Variants in TRPC4 observed in about 807,000 individuals in gnomAD.
The protein encoded by TRPC4 is short transient receptor potential channel 4.
A neutral mutation model predicts 99.4 loss-of-function variants in TRPC4; 49 were observed. The ratio of observed to expected loss-of-function variants is 0.49; its 90% CI spans 0.39 to 0.63. The LOEUF (loss-of-function observed/expected upper bound fraction) is 0.63, where lower values mean the gene tolerates loss of function less well. Ranked by LOEUF, TRPC4 falls within the 20% of genes least tolerant of loss-of-function variation. The pLI, the probability that TRPC4 is intolerant of heterozygous loss-of-function variation, is 0.00. For synonymous variants in TRPC4, 454 were observed against 425.9 expected (o/e 1.07, Z -0.81); for missense variants, 898 against 1,152.9 (o/e 0.78, Z 3.20).
chr13:37,669,817 A>G (rs2138732730), intron 5 of TRPC4, among the ~76,000 whole-genome samples: 1 of 152,286 alleles, frequency 6.6e-6, no homozygotes, highest in Admixed American at 6.5e-5. Flanking sequence ...CCTTGGTTAG[A>G]AGGGCTGTTT....
At chr13:37,856,574 A>T (rs1335308915) in intron 1 of TRPC4, among the ~76,000 whole-genome samples, 2 of 148,016 alleles carry the variant, frequency 1.4e-5, no homozygotes, top group Non-Finnish European at 3.0e-5. Context: ...AAGACACATT[A>T]AAAAAAAAGA....
chr13:37,733,045 G>T (rs1302954486), intron 3 of TRPC4, among the ~76,000 whole-genome samples: 1 of 152,176 alleles, frequency 6.6e-6, no homozygotes, highest in African/African-American at 2.4e-5. Flanking sequence ...TGCCAAGGTG[G>T]GTGGATTGCT....
At chr13:37,684,098 T>A (rs1320759621) in intron 4 of TRPC4, among the ~76,000 whole-genome samples, 1 of 152,184 alleles carries the variant, frequency 6.6e-6, no homozygotes, top group Non-Finnish European at 1.5e-5. Flanking sequence ...ACTTCCAGAA[T>A]TGTTTCTCAG....
chr13:37,823,131 T>C lies in TRPC4; in HGVS notation c.-27-39771A>G, dbSNP rs1400897599. Among the ~76,000 whole-genome samples, 46 of 151,464 alleles carry C rather than the reference T, an allele frequency of 3.0e-4. No homozygotes were observed. In the South Asian group the frequency reaches 9.2e-3, roughly 30 times the overall value. ...TTTGATGGGGTTGTTTGTTTTTTTC[T>C]TGTAAATTTGTTGGAGTTCATTGTA... On this transcript the variant is annotated intron_variant, in intron 1 of 10. Transcript: ENST00000379705.
chr13:37,687,563 T>G (rs1309457249), intron 4 of TRPC4, among the ~76,000 whole-genome samples: 3 of 152,218 alleles, frequency 2.0e-5, no homozygotes, highest in African/African-American at 7.2e-5. Context: ...GCCATAATTT[T>G]GATGAATTCT....
At position 37,733,163 on chromosome 13, in the gene TRPC4, C is replaced by T. The variant is rs1036419412; in HGVS notation, c.897+12774G>A. On this transcript the variant is annotated intron_variant, in intron 3 of 10. Transcript: ENST00000379705. ...TTGCATGTACCTGTGGTTCCAGCTA[C>T]CTGGGAGGCTGAGGTGGGAAGATCA... Among the ~76,000 whole-genome samples, 5 of 152,072 alleles carry T rather than the reference C, an allele frequency of 3.3e-5. No homozygotes were observed. In the South Asian group the frequency reaches 1.0e-3, roughly 31 times the overall value.
intron 2 of TRPC4, among the ~76,000 whole-genome samples, chr13:37,756,619 G>A (rs11838712): frequency 0.11 from 16,184 of 147,680 alleles, 964 homozygotes; most frequent in Admixed American, 0.17. Flanking sequence ...TGCAATCTCC[G>A]CCTCCCAGGT....
intron 3 of TRPC4, among the ~76,000 whole-genome samples, chr13:37,726,029 C>T (rs1183843560): frequency 6.6e-6 from 1 of 151,976 alleles, no homozygotes; most frequent in Non-Finnish European, 1.5e-5. Context: ...AACCCCTTCT[C>T]TACTAAAAAT....
In TRPC4 at chr13:37,637,559, A is replaced by G. The variant is rs761951483; in HGVS notation, c.2278T>C (p.Ser760Pro). Reference protein sequence around the residue: ...VLGLLRGSKLSTIQSANASKE... With the variant: ...VLGLLRGSKLPTIQSANASKE... ...GAGGCATTCGCAGATTGTATTGTGG[A>G]AAGTTTGCTTCCTCTTAGTAATCCC... Residue 760 changes from serine (S) to proline (P), a missense_variant, in exon 11 of 11, where the codon TCC becomes CCC. Ser to Pro is a moderately conservative substitution (Grantham distance 74, BLOSUM62 -1). This residue lies in a region of TRPC4 where 346 missense variants were observed against 351.4 expected (regional missense o/e 0.98). Transcript: ENST00000379705. 1.6e-5 allele frequency: 25 copies of G among 1,612,756 alleles called. No homozygotes were observed. The African/African-American group carries it at 2.9e-4, about 19-fold the overall frequency.
rs556064299 is a variant in TRPC4 at position 37,700,616 on chromosome 13, T to C, written c.898-8281A>G. On this transcript the variant is annotated intron_variant, in intron 3 of 10. Coordinates refer to ENST00000379705, the MANE Select transcript of TRPC4 (RefSeq NM_016179.4). ...CTTCTCTATTCCTTTTAACATAATATCAAGACCTATAGTTTTAGAAAAAAT... is the reference window on the plus strand; with the variant it reads ...CTTCTCTATTCCTTTTAACATAATACCAAGACCTATAGTTTTAGAAAAAAT... 3.9e-5 allele frequency among the ~76,000 whole-genome samples: 6 copies of C among 152,256 alleles called. No homozygotes were observed. The East Asian group carries it at 7.7e-4, about 20-fold the overall frequency.
Position 37,819,842 on chromosome 13 carries a change from A to C in TRPC4, c.-27-36482T>G, listed in dbSNP as rs146498498. Among the ~76,000 whole-genome samples, 46 of 151,566 alleles carry C rather than the reference A, an allele frequency of 3.0e-4. No homozygotes were observed. The East Asian group carries it at 8.2e-3, about 27-fold the overall frequency. On this transcript the variant is annotated intron_variant, in intron 1 of 10. Coordinates refer to ENST00000379705, the MANE Select transcript of TRPC4 (RefSeq NM_016179.4). ...TAAAATGAAAGTTAAAAAAAAAAAC[A>C]AAAAAAGATGTCAAATTAACAACCT...
At chr13:37,782,139 A>G (rs941585506) in intron 2 of TRPC4, among the ~76,000 whole-genome samples, 2 of 152,090 alleles carry the variant, frequency 1.3e-5, no homozygotes, top group Non-Finnish European at 1.5e-5. Flanking sequence ...TGTGAAAGGA[A>G]AAAGGATCAA....
chr13:37,720,397 C>T (rs927989188), intron 3 of TRPC4, among the ~76,000 whole-genome samples: 1 of 151,930 alleles, frequency 6.6e-6, no homozygotes, highest in Non-Finnish European at 1.5e-5. Context: ...AGTAATGGGA[C>T]GCCTAAGTCT....
chr13:37,665,518 C>T (rs1018574193), intron 5 of TRPC4, among the ~76,000 whole-genome samples: 3 of 152,088 alleles, frequency 2.0e-5, no homozygotes, highest in African/African-American at 7.2e-5. Context: ...TTTCTCCTGT[C>T]AAGTATTCAT....
chr13:37,812,355 C>G (rs546350705), intron 1 of TRPC4, among the ~76,000 whole-genome samples: 1 of 150,950 alleles, frequency 6.6e-6, no homozygotes, highest in South Asian at 2.1e-4. Flanking sequence ...AAAAAAAATA[C>G]AAACCATTAT....
At chr13:37,716,529 G>A (rs889612110) in intron 3 of TRPC4, among the ~76,000 whole-genome samples, 1 of 152,078 alleles carries the variant, frequency 6.6e-6, no homozygotes, top group African/African-American at 2.4e-5. Context: ...AAACTTCTAG[G>A]CTGAGTTATT....
intron 1 of TRPC4, among the ~76,000 whole-genome samples, chr13:37,814,997 T>G (rs1957806904): frequency 6.6e-6 from 1 of 151,744 alleles, no homozygotes; most frequent in South Asian, 2.1e-4. Context: ...TCAATAAAAT[T>G]GATTTGAGGG....
rs1951632025 is a variant in TRPC4 at position 37,639,117 on chromosome 13, T to C, written c.2134A>G (p.Asn712Asp). Residue 712 changes from asparagine to aspartate, a missense_variant, in exon 10 of 11, where the codon AAC (asparagine) becomes GAC (aspartate). By Grantham distance (23) the Asn-to-Asp change is conservative. This residue lies in a region of TRPC4 where 346 missense variants were observed against 351.4 expected (regional missense o/e 0.98). Transcript: ENST00000379705. The part of the protein sequence containing the change: ...RHHQYQEVMR[N>D]LVKRYVAAMI... ...GCAGCAACGTATCGCTTCACCAGGT[T>C]CCTCATAACTTCCTGAGGCATTTTA... 1 of 1,613,538 alleles carries C rather than the reference T, an allele frequency of 6.2e-7. No individual in the cohort carries two copies. Among genetic ancestry groups the C allele is most frequent in the Non-Finnish European group, 8.5e-7 (1 of 1,179,626 alleles).
chr13:37,803,525 C>A (rs538904489), intron 1 of TRPC4, among the ~76,000 whole-genome samples: 1 of 152,126 alleles, frequency 6.6e-6, no homozygotes, highest in East Asian at 1.9e-4. Flanking sequence ...ATAAACAATT[C>A]ATGTTTTCAT....
Sources: gnomAD v4.1 joint callset for allele counts (sites outside exome capture counted in the v4.1 genomes callset) on GRCh38, gnomAD v4.1.1 for gene constraint, gnomAD v4.1.1 regional missense constraint, MANE v1.5 for transcripts, NCBI Gene and HGNC (gene_info 2026-07-23, HGNC 2026-07-21) for gene names.